Variants in ATP6V1A observed in about 807,000 individuals in gnomAD.
ATP6V1A encodes ATPase H+ transporting V1 subunit A, also known as V-type proton ATPase catalytic subunit A.
ATP6V1A carries 18 observed loss-of-function variants against 70.1 expected under a neutral mutation model. The observed-to-expected ratio is 0.26, with a 90% confidence interval of 0.18 to 0.38. The LOEUF is 0.38. ATP6V1A is among the 10% of genes least tolerant of loss of function. The pLI, the probability that ATP6V1A is intolerant of heterozygous loss-of-function variation, is 1.00. For synonymous variants in ATP6V1A, 232 were observed against 253.8 expected (o/e 0.91, Z 0.82); for missense variants, 424 against 772.4 (o/e 0.55, Z 5.35).
intron 8 of ATP6V1A, among the ~76,000 whole-genome samples, chr3:113,793,620 A>G (rs1000150925): frequency 1.3e-5 from 2 of 152,146 alleles, no homozygotes; most frequent in African/African-American, 4.8e-5. Context: ...ATCTGTTCTT[A>G]TTAGATTGGA....
chr3:113,748,502 G>A (rs1194847196), intron 1 of ATP6V1A, among the ~76,000 whole-genome samples: 2 of 152,182 alleles, frequency 1.3e-5, no homozygotes, highest in Non-Finnish European at 2.9e-5. Context: ...AAAGAAGACT[G>A]CTGGAAAATG....
At chr3:113,780,946 T>G in intron 2 of ATP6V1A, 104 bp from the exon 3 acceptor site, 3 of 1,433,408 alleles carry the variant, frequency 2.1e-6, no homozygotes, top group Non-Finnish European at 1.9e-6. Flanking sequence ...TATGAATATA[T>G]GAGAGAGGCA....
At chr3:113,809,261 A>G in intron 14 of ATP6V1A, 74 bp from the exon 15 acceptor site, 1 of 1,401,020 alleles carries the variant, frequency 7.1e-7, no homozygotes, top group Non-Finnish European at 9.9e-7. Flanking sequence ...CCTCCAAAAA[A>G]AAAAAAGTAA....
intron 1 of ATP6V1A, among the ~76,000 whole-genome samples, chr3:113,753,693 C>CTTTTTTT (rs11375661): frequency 3.5e-5 from 5 of 141,098 alleles, no homozygotes; most frequent in Non-Finnish European, 4.6e-5. Context: ...TATCATGTGT[C>CTTTTTTT]TTTTTTTTTT....
intron 1 of ATP6V1A, among the ~76,000 whole-genome samples, chr3:113,770,302 G>A (rs1175075718): frequency 2.0e-5 from 3 of 152,136 alleles, no homozygotes; most frequent in South Asian, 2.1e-4. Context: ...TACCTGCCTC[G>A]GCCTCCCAAA....
chr3:113,794,496 C>G (rs957660670), intron 8 of ATP6V1A, among the ~76,000 whole-genome samples: 2 of 152,164 alleles, frequency 1.3e-5, no homozygotes, highest in African/African-American at 4.8e-5. Flanking sequence ...CTCTGTCATT[C>G]TGAGCCATGA....
intron 5 of ATP6V1A, among the ~76,000 whole-genome samples, chr3:113,785,487 A>C (rs1709027858): frequency 6.7e-6 from 1 of 149,838 alleles, no homozygotes; most frequent in Admixed American, 6.7e-5. Flanking sequence ...GGATTATTTG[A>C]ATTCTCTTTT....
rs1709174578 is a variant in ATP6V1A, at chr3:113,798,225, TG to T, written c.1291-17del. 1 of 1,610,808 alleles carries T rather than the reference TG, an allele frequency of 6.2e-7. No homozygotes were observed. Among genetic ancestry groups the T allele is most frequent in the Admixed American group, 1.7e-5 (1 of 59,902 alleles). On this transcript the variant is annotated splice_polypyrimidine_tract_variant and intron_variant, in intron 11 of 14. Transcript: ENST00000273398. ...TGAGAAAAATTACTGTTTTTGTGTG[TG>T]TGTTTTTTTTAATCAGGTGTTCTGG...
chr3:113,773,054 C>T (rs1708866642), intron 1 of ATP6V1A, among the ~76,000 whole-genome samples: 1 of 147,476 alleles, frequency 6.8e-6, no homozygotes, highest in South Asian at 2.4e-4. Context: ...TCTCCTGCCT[C>T]AGCCTCCTGA....
chr3:113,798,399 C>T lies in ATP6V1A; in HGVS notation c.1447C>T (p.Leu483=). Residue 483 remains leucine (L), a synonymous_variant, in exon 12 of 15, where the codon CTG becomes TTG. Coordinates refer to ENST00000273398, the MANE Select transcript of ATP6V1A (RefSeq NM_001690.4). ...VPLRTKAKEI[L]QEEEDLAEIV... ...TCTGAGGACGAAAGCTAAGGAAATT[C>T]TGCAGGAAGAAGAAGACCTGGCAGA... The T allele has an allele frequency of 2.5e-6, 4 of 1,613,842 alleles. No individual in the cohort carries two copies. The highest frequency in any genetic ancestry group is 3.4e-6 in the Non-Finnish European group (4 of 1,179,914).
chr3:113,790,701 C>T (rs559314683), intron 8 of ATP6V1A, among the ~76,000 whole-genome samples: 1 of 152,292 alleles, frequency 6.6e-6, no homozygotes, highest in Admixed American at 6.5e-5. Flanking sequence ...CCAACAGTCC[C>T]TTGGCTATAA....
chr3:113,765,001 A>G (rs1708752376), intron 1 of ATP6V1A, among the ~76,000 whole-genome samples: 1 of 150,932 alleles, frequency 6.6e-6, no homozygotes, highest in Non-Finnish European at 1.5e-5. Context: ...CTTAATTGAA[A>G]AAAAAAAAAA....
chr3:113,797,256 A>T (rs534655129), intron 11 of ATP6V1A, among the ~76,000 whole-genome samples: 23 of 135,388 alleles, frequency 1.7e-4, no homozygotes, highest in East Asian at 1.3e-3. Flanking sequence ...TAAAAAAAAA[A>T]TTTTTTTTTT....
chr3:113,751,498 A>G (rs1418719925), intron 1 of ATP6V1A, among the ~76,000 whole-genome samples: 2 of 151,882 alleles, frequency 1.3e-5, no homozygotes, highest in Non-Finnish European at 2.9e-5. Flanking sequence ...TTATTGATTT[A>G]GGAATGAATT....
chr3:113,782,346 A>C (rs1708984797), intron 3 of ATP6V1A, among the ~76,000 whole-genome samples: 1 of 151,898 alleles, frequency 6.6e-6, no homozygotes, highest in Non-Finnish European at 1.5e-5. Context: ...AAATAAATGA[A>C]AATGTAAACA....
intron 1 of ATP6V1A, among the ~76,000 whole-genome samples, chr3:113,775,564 G>T (rs1225628582): frequency 1.5e-5 from 2 of 132,376 alleles, no homozygotes; most frequent in Admixed American, 7.2e-5. Context: ...TAATGCAATC[G>T]CAAGTCTGGT....
chr3:113,783,594 A>G (rs752979752), intron 3 of ATP6V1A, among the ~76,000 whole-genome samples: 4 of 152,204 alleles, frequency 2.6e-5, no homozygotes, highest in Non-Finnish European at 4.4e-5. Context: ...TTGCAGAGTC[A>G]TTCTGAGAAG....
intron 14 of ATP6V1A, among the ~76,000 whole-genome samples, chr3:113,808,144 A>G (rs542042490): frequency 1.3e-5 from 2 of 151,192 alleles, no homozygotes; most frequent in South Asian, 4.2e-4. Context: ...AAAAAAAAAA[A>G]CAAAGAAAAG....
intron 12 of ATP6V1A, 106 bp downstream of exon 12, chr3:113,798,552 A>C (rs1709177737): frequency 1.1e-6 from 1 of 922,578 alleles, no homozygotes. Flanking sequence ...CAAAATAAAT[A>C]TTTATTAAAT....
Sources: allele counts gnomAD v4.1 joint callset (sites outside exome capture counted in the v4.1 genomes callset), GRCh38; gene constraint gnomAD v4.1.1; transcripts MANE v1.5; gene names NCBI Gene and HGNC (gene_info 2026-07-23, HGNC 2026-07-21).